Variants in PALS1 observed in about 807,000 individuals in gnomAD.
PALS1 encodes the protein protein associated with LIN7 1, MAGUK p55 family member.
PALS1 carries 31 observed loss-of-function variants against 78.9 expected under a neutral mutation model. That is an observed-to-expected ratio of 0.39 (90% CI 0.30 to 0.53). PALS1 has a LOEUF of 0.53. Among genes scored for constraint, PALS1 ranks in the 20% least tolerant of loss-of-function variants. PALS1 has a pLI of 0.67. For synonymous variants in PALS1, 276 were observed against 270.9 expected, an observed-to-expected ratio of 1.02 and a Z score of -0.18; for missense variants, 704 against 826.5, an observed-to-expected ratio of 0.85 and a Z score of 1.82.
At chr14:67,282,721 T>A (rs1315228139) in intron 3 of PALS1, among the ~76,000 whole-genome samples, 1 of 152,134 alleles carries the variant, frequency 6.6e-6, no homozygotes, top group Non-Finnish European at 1.5e-5. Context: ...AGGCTTTCCT[T>A]AAAATTGGCA....
chr14:67,332,125 G>T (rs1298106424), intron 14 of PALS1, among the ~76,000 whole-genome samples: 1 of 152,142 alleles, frequency 6.6e-6, no homozygotes, highest in Non-Finnish European at 1.5e-5. Flanking sequence ...TGTCTTCATT[G>T]GCAGGGGTGA....
intron 1 of PALS1, among the ~76,000 whole-genome samples, chr14:67,267,196 G>C (rs2084342046): frequency 6.6e-6 from 1 of 152,156 alleles, no homozygotes; most frequent in African/African-American, 2.4e-5. Context: ...TGTATAATTT[G>C]AGGTTTTGTT....
chr14:67,284,859 T>C (rs1595584506), intron 3 of PALS1, among the ~76,000 whole-genome samples: 2 of 152,284 alleles, frequency 1.3e-5, no homozygotes, highest in East Asian at 3.9e-4. Flanking sequence ...AATATTCCAC[T>C]GTACAAATAT....
intron 1 of PALS1, among the ~76,000 whole-genome samples, chr14:67,254,004 C>CT (rs1398433747): frequency 8.1e-6 from 1 of 123,448 alleles, no homozygotes; most frequent in African/African-American, 3.6e-5. Context: ...TCTTTCATGT[C>CT]TTTTTTGGGC....
chr14:67,301,992 T>C lies in PALS1; in HGVS notation c.675T>C (p.Asp225=), dbSNP rs775773562. 3.1e-6 allele frequency: 5 copies of C among 1,600,802 alleles called. No individual in the cohort carries two copies. The highest frequency in any genetic ancestry group is 1.8e-5 in the Admixed American group (1 of 56,856). The change falls in exon 6 of 15, where the codon GAT becomes GAC. Residue 225 remains aspartate, a synonymous_variant. Coordinates refer to ENST00000261681, the MANE Select transcript of PALS1 (RefSeq NM_022474.4). ...AACAGGCACTTTTACTGGCCCACGA[T>C]AAGGTTGCTGAGCAGGAAATGCAGC... ...PHIQALLLAH[D]KVAEQEMQLE... is the part of the protein sequence containing the mutation.
intron 2 of PALS1, among the ~76,000 whole-genome samples, chr14:67,272,754 G>A (rs1293825888): frequency 1.3e-5 from 2 of 152,168 alleles, no homozygotes; most frequent in East Asian, 1.9e-4. Context: ...TGCCTCCTGG[G>A]TTCAAGTGAT....
At chr14:67,311,762 CATT>C (rs770673299) in intron 8 of PALS1, among the ~76,000 whole-genome samples, 1 of 152,146 alleles carries the variant, frequency 6.6e-6, no homozygotes, top group African/African-American at 2.4e-5. Context: ...TCCAAAAACA[CATT>C]ATTAGCAAAA....
chr14:67,318,166 A>G (rs911390287), intron 11 of PALS1, among the ~76,000 whole-genome samples: 2 of 152,242 alleles, frequency 1.3e-5, no homozygotes, highest in African/African-American at 4.8e-5. Context: ...CCCAAATAAT[A>G]AAGCAAAGGC....
intron 2 of PALS1, among the ~76,000 whole-genome samples, chr14:67,275,128 T>C (rs1382387128): frequency 6.6e-6 from 1 of 152,224 alleles, no homozygotes; most frequent in African/African-American, 2.4e-5. Flanking sequence ...TCCTGCCCGA[T>C]TGCCTTGGCC....
At chr14:67,304,923 A>G (rs1213408135) in intron 8 of PALS1, among the ~76,000 whole-genome samples, 2 of 152,220 alleles carry the variant, frequency 1.3e-5, no homozygotes, top group Non-Finnish European at 2.9e-5. Context: ...TTTTCTCTCA[A>G]TATTTCATCA....
chr14:67,284,971 G>A (rs1404195289), intron 3 of PALS1, among the ~76,000 whole-genome samples: 1 of 151,426 alleles, frequency 6.6e-6, no homozygotes, highest in Non-Finnish European at 1.5e-5. Flanking sequence ...GGCTGGTCTT[G>A]ACCTCCTGGC....
intron 13 of PALS1, among the ~76,000 whole-genome samples, chr14:67,323,111 CAT>C (rs944774079): frequency 5.9e-5 from 9 of 151,962 alleles, no homozygotes; most frequent in African/African-American, 1.7e-4. Flanking sequence ...TTTAATATCA[CAT>C]AGTTGTCATC....
intron 8 of PALS1, among the ~76,000 whole-genome samples, chr14:67,306,161 G>A (rs886972096): frequency 2.6e-5 from 4 of 152,242 alleles, no homozygotes; most frequent in African/African-American, 9.6e-5. Context: ...GCAGAGATGG[G>A]GTTTCACTAT....
chr14:67,309,456 CTTAATT>C (rs2085055805), intron 8 of PALS1, among the ~76,000 whole-genome samples: 1 of 151,984 alleles, frequency 6.6e-6, no homozygotes, highest in South Asian at 2.1e-4. Context: ...AGCTTTTTCT[CTTAATT>C]TTAGGGTATA....
At chr14:67,287,494 A>G (rs1438815513) in intron 3 of PALS1, among the ~76,000 whole-genome samples, 2 of 152,228 alleles carry the variant, frequency 1.3e-5, no homozygotes, top group Non-Finnish European at 2.9e-5. Flanking sequence ...TCAAATGGCT[A>G]TAACTTGTAA....
chr14:67,332,679 A>T (rs1447033508), intron 14 of PALS1, 101 bp from the exon 15 acceptor site: 2 of 1,106,314 alleles, frequency 1.8e-6, no homozygotes, highest in East Asian at 2.6e-5. Context: ...ACAGAAGGAA[A>T]GCTATGAAGG....
chr14:67,312,835 A>T (rs1407929446), intron 9 of PALS1, 125 bp downstream of exon 9: 6 of 792,252 alleles, frequency 7.6e-6, no homozygotes. Flanking sequence ...TTTTTCGTGT[A>T]GTTGGGTTTT....
At chr14:67,301,605 T>C (rs1766786946) in intron 5 of PALS1, 139 bp downstream of exon 5, 6 of 499,664 alleles carry the variant, frequency 1.2e-5, no homozygotes, top group African/African-American at 2.0e-5. Context: ...TATAACATAG[T>C]AGTTATTGTT....
At chr14:67,284,595 G>A (rs1322230930) in intron 3 of PALS1, among the ~76,000 whole-genome samples, 2 of 113,792 alleles carry the variant, frequency 1.8e-5, no homozygotes, top group East Asian at 4.7e-4. Context: ...AAAAGGTTGT[G>A]CAATCATCAC....
Sources: gnomAD v4.1 joint callset for allele counts (sites outside exome capture counted in the v4.1 genomes callset) on GRCh38, gnomAD v4.1.1 for gene constraint, MANE v1.5 for transcripts, NCBI Gene and HGNC (gene_info 2026-07-23, HGNC 2026-07-21) for gene names.